Variants in PTPRF observed in about 807,000 individuals in gnomAD.
The protein encoded by PTPRF is protein tyrosine phosphatase receptor type F.
PTPRF carries 59 observed loss-of-function variants against 201.8 expected under a neutral mutation model. The ratio of observed to expected loss-of-function variants is 0.29; its 90% confidence interval spans 0.24 to 0.36. The LOEUF (loss-of-function observed/expected upper bound fraction) is 0.36. Among genes scored for constraint, PTPRF ranks in the 10% least tolerant of loss-of-function variants. PTPRF has a pLI of 1.00. For missense variants in PTPRF, 2,132 were observed against 2,690.5 expected (o/e 0.79, Z 4.59); for synonymous variants, 1,088 against 1,089.7 (o/e 1.00, Z 0.03).
intron 20 of PTPRF, 100 bp from the exon 21 acceptor site, chr1:43,606,714 G>A (rs1655207330): frequency 1.3e-6 from 2 of 1,497,188 alleles, no homozygotes; most frequent in Admixed American, 3.6e-5. Context: ...ACCAGGCCCA[G>A]GGTAACCCAG....
At chr1:43,615,499 C>T (rs991039002) in intron 23 of PTPRF, among the ~76,000 whole-genome samples, 1 of 151,644 alleles carries the variant, frequency 6.6e-6, no homozygotes, top group Admixed American at 6.6e-5. Flanking sequence ...TTCTCAGGCT[C>T]CCCAAGGCTG....
rs773512227 is a variant in PTPRF, at chr1:43,585,643, G to T, written c.680-3088G>T. 8.8e-4 allele frequency among the ~76,000 whole-genome samples: 134 copies of T among 152,150 alleles called. 1 individual carries two copies. Among genetic ancestry groups the T allele is most frequent in the Non-Finnish European group, 8.2e-4 (56 of 68,026 alleles). The stretch of plus-strand genomic sequence containing the variant: ...GAAGCGCCTCAATTTCCTGACAGCC[G>T]CAGGAGTTGGAGGCTTTAGAAGACG... On this transcript the variant is annotated intron_variant, in intron 7 of 33. Transcript: ENST00000359947.
Position 43,591,803 on chromosome 1 carries a change from G to GT in PTPRF, c.1532-8dup. 1 of 1,612,992 alleles carries GT rather than the reference G, an allele frequency of 6.2e-7. No homozygotes were observed. Among genetic ancestry groups the GT allele is most frequent in the African/African-American group, 1.3e-5 (1 of 75,054 alleles). On this transcript the variant is annotated splice_polypyrimidine_tract_variant and intron_variant, in intron 9 of 33. Transcript: ENST00000359947. Reference sequence around the variant, plus strand: ...ATGAGGCTGACCTGCCTGGTGTGGGGTGTTGCAGTGCCTGCCCAGCCCGCG... The same window carrying GT: ...ATGAGGCTGACCTGCCTGGTGTGGGGTTGTTGCAGTGCCTGCCCAGCCCGCG...
In PTPRF at chr1:43,578,888, G is replaced by A. The variant is rs906834223; in HGVS notation, c.647G>A (p.Arg216His). 7 of 1,614,216 alleles carry A rather than the reference G, an allele frequency of 4.3e-6. No homozygotes were observed. The highest frequency in any genetic ancestry group is 2.2e-5 in the East Asian group (1 of 44,892). The change falls in exon 7 of 34, where the codon CGT becomes CAT. Residue 216 changes from arginine to histidine, a missense_variant. Physicochemically the swap from Arg to His is conservative, Grantham distance 29. Transcript: ENST00000359947. ...ECVATNSAGT[R>H]YSAPANLYVR... is the part of the protein sequence containing the mutation. ...GTGGCGACCAACTCGGCAGGCACAC[G>A]TTACTCAGCCCCTGCGAACCTGTAT... is the stretch of plus-strand genomic sequence containing the variant.
Position 43,622,030 on chromosome 1 carries a change from C to T in PTPRF, c.*27C>T. 1.2e-6 allele frequency: 2 copies of T among 1,611,488 alleles called. No homozygotes were observed. The highest frequency in any genetic ancestry group is 1.1e-5 in the South Asian group (1 of 91,034). On this transcript the variant is annotated 3_prime_UTR_variant, in exon 34 of 34. Coordinates refer to ENST00000359947, the MANE Select transcript of PTPRF (RefSeq NM_002840.5). The stretch of plus-strand genomic sequence containing the variant: ...TACCGCTCCCCTCTCCTCCGCCACC[C>T]CCGCCGTGGGGCTCCGGAGGGGACC...
At position 43,618,706 on chromosome 1, in the gene PTPRF, T is replaced by C. The variant is rs775410354; in HGVS notation, c.4448T>C (p.Val1483Ala). 3.7e-6 allele frequency: 6 copies of C among 1,611,772 alleles called. No homozygotes were observed. The highest frequency in any genetic ancestry group is 5.1e-6 in the Non-Finnish European group (6 of 1,178,244). The change falls in exon 26 of 34, where the codon GTG (valine) becomes GCG (alanine). Residue 1483 changes from valine to alanine, a missense_variant. Physicochemically the swap from Val to Ala is moderately conservative, Grantham distance 64. Around this residue, in one of 6 missense-constraint regions of PTPRF, gnomAD observed 519 missense variants for 659.5 expected, o/e 0.79. Coordinates refer to ENST00000359947, the MANE Select transcript of PTPRF (RefSeq NM_002840.5). ...GLIQVTLLDT[V>A]ELATYTVRTF... ...ATTCAGGTGACCCTGTTGGACACAG[T>C]GGAGCTGGCCACATACACTGTGCGC...
intron 26 of PTPRF, 89 bp from the exon 27 acceptor site, chr1:43,618,959 C>T (rs988300068): frequency 1.2e-5 from 17 of 1,468,038 alleles, no homozygotes; most frequent in Admixed American, 2.0e-5. Flanking sequence ...GGGGAAGTGG[C>T]GGGTATGGCC....
chr1:43,566,824 C>T (rs996651135), intron 5 of PTPRF, among the ~76,000 whole-genome samples: 6 of 152,120 alleles, frequency 3.9e-5, no homozygotes, highest in African/African-American at 9.7e-5. Flanking sequence ...TTTTGGGTCC[C>T]GCTGTTTTAT....
chr1:43,524,274 C>T (rs1643034372), upstream of PTPRF, among the ~76,000 whole-genome samples: 1 of 152,046 alleles, frequency 6.6e-6, no homozygotes, highest in South Asian at 2.1e-4. Context: ...ATTCAGATGA[C>T]GGATGCACCA....
At chr1:43,531,775 C>G (rs932568683) in intron 1 of PTPRF, among the ~76,000 whole-genome samples, 2 of 152,146 alleles carry the variant, frequency 1.3e-5, no homozygotes, top group South Asian at 2.1e-4. Context: ...CGACCTGTCC[C>G]GTGAGGACGT....
chr1:43,586,617 A>T (rs914733216), intron 7 of PTPRF, among the ~76,000 whole-genome samples: 18 of 152,246 alleles, frequency 1.2e-4, no homozygotes, highest in African/African-American at 4.1e-4. Context: ...CGTAAGCAAA[A>T]CAAGGAAGTC....
chr1:43,602,049 T>C, intron 13 of PTPRF, 22 bp from the exon 14 acceptor site: 6 of 1,610,828 alleles, frequency 3.7e-6, no homozygotes, highest in Non-Finnish European at 5.1e-6. Flanking sequence ...TGTCTCCCTT[T>C]CTCTCCCTCT....
Position 43,545,020 on chromosome 1 carries a change from C to T in PTPRF, c.-45-11C>T, listed in dbSNP as rs1349581430. 2 of 1,476,810 alleles carry T rather than the reference C, an allele frequency of 1.4e-6. No homozygotes were observed. Among genetic ancestry groups the T allele is most frequent in the African/African-American group, 2.8e-5 (2 of 71,230 alleles). The allele number at this position is 1,476,810 out of a possible 1,614,324, so 91.5% of individuals were successfully genotyped here. A position where few individuals can be genotyped will look rare whatever the true frequency, so the allele number is the denominator to read the frequency against. On this transcript the variant is annotated splice_polypyrimidine_tract_variant and intron_variant, in intron 2 of 33. Transcript: ENST00000359947. ...ACCAGCTAACTGGCTCTGCCCTTCT[C>T]TCCATTACAGGTTGATTGTCCTGGG...
chr1:43,561,212 G>A (rs536282093), intron 5 of PTPRF, among the ~76,000 whole-genome samples: 1 of 152,276 alleles, frequency 6.6e-6, no homozygotes, highest in East Asian at 1.9e-4. Context: ...CCTGTCCTGA[G>A]GTATCCTGGG....
At position 43,545,135 on chromosome 1, in the gene PTPRF, G is replaced by A. The variant is rs1246885392; in HGVS notation, c.60G>A (p.Met20Ile). The stretch of plus-strand genomic sequence containing the variant: ...TGCCCCTTGTGCCTGCACTGGTGAT[G>A]CTTGGTTTGGTGGCAGGCGCCCATG... ...TMVPLVPALV[M>I]LGLVAGAHGD... is the part of the protein sequence containing the mutation. The change falls in exon 3 of 34, where the codon ATG becomes ATA. Residue 20 changes from methionine (M) to isoleucine (I), a missense_variant. Met to Ile is a conservative substitution (Grantham distance 10, BLOSUM62 1). This residue lies in a region of PTPRF where 297 missense variants were observed against 454.0 expected (regional missense o/e 0.65). Coordinates refer to ENST00000359947, the MANE Select transcript of PTPRF (RefSeq NM_002840.5). The A allele has an allele frequency of 6.3e-7, 1 of 1,588,832 alleles. No individual in the cohort carries two copies. The highest frequency in any genetic ancestry group is 8.6e-7 in the Non-Finnish European group (1 of 1,167,090).
rs751804283 is a variant in PTPRF at position 43,621,115 on chromosome 1, C to A, written c.5538C>A (p.Thr1846=). The change falls in exon 33 of 34, where the codon ACC becomes ACA. Residue 1846 remains threonine, a synonymous_variant. Coordinates refer to ENST00000359947, the MANE Select transcript of PTPRF (RefSeq NM_002840.5). ...TVHCSAGVGR[T]GVFITLSIVL... is the part of the protein sequence containing the mutation. ...TGAGCAGTGCTGGCGTGGGCCGCAC[C>A]GGGGTGTTCATCACTCTGAGCATCG... is the stretch of plus-strand genomic sequence containing the variant. 1 of 1,614,152 alleles carries A rather than the reference C, an allele frequency of 6.2e-7. No individual in the cohort carries two copies. The highest frequency in any genetic ancestry group is 1.1e-5 in the South Asian group (1 of 91,082).
intron 19 of PTPRF, 37 bp from the exon 20 acceptor site, chr1:43,606,203 C>T: frequency 6.3e-7 from 1 of 1,588,706 alleles, no homozygotes; most frequent in Non-Finnish European, 8.6e-7. Flanking sequence ...CGGCATGCTC[C>T]AAGGCCCCTC....
In PTPRF at chr1:43,563,164, C is replaced by T. The variant is rs1364131432; in HGVS notation, c.380-6426C>T. On this transcript the variant is annotated intron_variant, in intron 5 of 33. Transcript: ENST00000359947. Reference sequence around the variant, plus strand: ...CTGCACTTCAGCCTAGGCGACCAAGCGAGACTCCATCTCAAAAAAAAAAAA... The same window carrying T: ...CTGCACTTCAGCCTAGGCGACCAAGTGAGACTCCATCTCAAAAAAAAAAAA... Among the ~76,000 whole-genome samples, 3 of 136,358 alleles carry T rather than the reference C, an allele frequency of 2.2e-5. No homozygotes were observed. The East Asian group carries it at 6.6e-4, about 30-fold the overall frequency. The allele number at this position is 136,358 out of a possible 152,430, so 89.5% of individuals were successfully genotyped here. A position where few individuals can be genotyped will look rare whatever the true frequency, so the allele number is the denominator to read the frequency against.
chr1:43,611,995 G>A (rs574090436), intron 22 of PTPRF, among the ~76,000 whole-genome samples: 22 of 152,304 alleles, frequency 1.4e-4, no homozygotes, highest in Non-Finnish European at 2.8e-4. Flanking sequence ...GAAGGAGACC[G>A]GGACCAAAAA....
Sources: allele counts gnomAD v4.1 joint callset (sites outside exome capture counted in the v4.1 genomes callset), GRCh38; gene constraint gnomAD v4.1.1; regional missense constraint gnomAD v4.1.1; transcripts MANE v1.5; gene names NCBI Gene and HGNC (gene_info 2026-07-23, HGNC 2026-07-21).